CHL1: variants seen among roughly 807,000 people sequenced by gnomAD.
CHL1 encodes cell adhesion molecule L1 like.
Under a neutral mutation model 141.9 loss-of-function variants are expected in CHL1, and 96 were observed. That is an observed-to-expected ratio of 0.68 (90% CI 0.57 to 0.80). CHL1 has a LOEUF of 0.80. Among genes scored for constraint, CHL1 ranks in the 30% least tolerant of loss-of-function variants. The pLI is 0.00. For missense variants in CHL1, 1,820 were observed against 1,457.2 expected (o/e 1.25, Z -4.05); for synonymous variants, 613 against 502.2 (o/e 1.22, Z -2.95).
At chr3:354,540 G>T (rs941280038) in intron 10 of CHL1, 100 bp from the exon 11 acceptor site, 4 of 1,344,760 alleles carry the variant, frequency 3.0e-6, no homozygotes, top group South Asian at 2.9e-5. Context: ...CCTTTGTGGT[G>T]TCTGCCCTCT....
At chr3:384,688 T>C (rs571611467) in intron 19 of CHL1, 1 of 152,346 alleles carries the variant, frequency 6.6e-6, no homozygotes, top group African/African-American at 2.4e-5. Context: ...AAGGAAATTA[T>C]CATTCAACCA....
At chr3:250,964 C>T (rs762480978) in intron 2 of CHL1, among the ~76,000 whole-genome samples, 6 of 151,964 alleles carry the variant, frequency 3.9e-5, no homozygotes, top group Non-Finnish European at 8.8e-5. Context: ...GATACAGTCG[C>T]AAAGAGAGAC....
chr3:304,702 CATTG>C (rs1446140230), intron 2 of CHL1, among the ~76,000 whole-genome samples: 3 of 152,114 alleles, frequency 2.0e-5, no homozygotes, highest in Non-Finnish European at 2.9e-5. Context: ...CTCCTGGTTT[CATTG>C]ATTTTTTGAA....
intron 1 of CHL1, among the ~76,000 whole-genome samples, chr3:216,631 A>G (rs1304108966): frequency 6.6e-6 from 1 of 152,220 alleles, no homozygotes; most frequent in Non-Finnish European, 1.5e-5. Flanking sequence ...TATCACTGCC[A>G]ACTACCCATG....
chr3:312,174 C>A (rs1476288815), intron 2 of CHL1, among the ~76,000 whole-genome samples: 3 of 152,058 alleles, frequency 2.0e-5, no homozygotes, highest in African/African-American at 7.2e-5. Flanking sequence ...TAGTTTATCC[C>A]ACATCATTAT....
chr3:290,466 G>T (rs900985977), intron 2 of CHL1, among the ~76,000 whole-genome samples: 25 of 152,228 alleles, frequency 1.6e-4, no homozygotes, highest in African/African-American at 5.3e-4. Flanking sequence ...GAGAAAATGA[G>T]CTCCTTTTAG....
At chr3:377,400 G>A (rs1310507342) in intron 15 of CHL1, among the ~76,000 whole-genome samples, 1 of 152,190 alleles carries the variant, frequency 6.6e-6, no homozygotes, top group African/African-American at 2.4e-5. Context: ...TCTGTGGAAT[G>A]GAGATGGAAT....
intron 1 of CHL1, among the ~76,000 whole-genome samples, chr3:207,081 G>GA (rs1559269647): frequency 6.6e-6 from 1 of 152,000 alleles, no homozygotes; most frequent in African/African-American, 2.4e-5. Context: ...GGCTTTAGAA[G>GA]AAAAAAAGGC....
chr3:360,501 A>T, intron 12 of CHL1, 77 bp downstream of exon 12: 2 of 1,396,410 alleles, frequency 1.4e-6, no homozygotes, highest in Non-Finnish European at 9.9e-7. Context: ...GAAGTGTATT[A>T]ACTCTTGACA....
intron 1 of CHL1, among the ~76,000 whole-genome samples, chr3:223,423 C>T (rs865894799): frequency 2.6e-5 from 4 of 152,096 alleles, no homozygotes; most frequent in Non-Finnish European, 2.9e-5. Flanking sequence ...ATTTACTATT[C>T]AGAATGTGGT....
At chr3:366,195 G>T (rs1197433805) in intron 15 of CHL1, 80 bp downstream of exon 15, 1 of 1,364,352 alleles carries the variant, frequency 7.3e-7, no homozygotes, top group Non-Finnish European at 1.0e-6. Flanking sequence ...TCTAGGTCGG[G>T]CATGCTGACT....
chr3:197,762 G>A (rs974378059), intron 1 of CHL1: 2 of 455,674 alleles, frequency 4.4e-6, no homozygotes, highest in African/African-American at 2.0e-5. Context: ...GGGCGAGAGG[G>A]CGCGCCGGGG....
intron 2 of CHL1, among the ~76,000 whole-genome samples, chr3:318,732 C>A (rs1446424201): frequency 1.3e-5 from 2 of 151,020 alleles, no homozygotes; most frequent in Admixed American, 1.3e-4. Flanking sequence ...TTTATTATTT[C>A]TTTCCTCTAT....
At chr3:221,710 G>A (rs538921329) in intron 1 of CHL1, among the ~76,000 whole-genome samples, 1 of 152,302 alleles carries the variant, frequency 6.6e-6, no homozygotes, top group South Asian at 2.1e-4. Flanking sequence ...TATCAGTTCT[G>A]TGTGTTCTTA....
intron 15 of CHL1, among the ~76,000 whole-genome samples, chr3:371,768 C>G (rs1013638801): frequency 2.6e-5 from 4 of 151,998 alleles, no homozygotes; most frequent in Admixed American, 6.6e-5. Flanking sequence ...ATATTTAGTG[C>G]TTTTTTTCGG....
At chr3:350,836 C>T (rs779057484) in intron 10 of CHL1, among the ~76,000 whole-genome samples, 1 of 152,138 alleles carries the variant, frequency 6.6e-6, no homozygotes. Flanking sequence ...ATCTGCCAAA[C>T]AGTGATATAT....
chr3:220,649 G>A (rs1398290594), intron 1 of CHL1, among the ~76,000 whole-genome samples: 1 of 152,124 alleles, frequency 6.6e-6, no homozygotes, highest in Non-Finnish European at 1.5e-5. Flanking sequence ...CCTGTGAGTA[G>A]CCACTGCACT....
intron 5 of CHL1, among the ~76,000 whole-genome samples, chr3:335,072 T>C (rs1701759827): frequency 6.6e-6 from 1 of 152,252 alleles, no homozygotes; most frequent in Admixed American, 6.5e-5. Context: ...ACTAGGTTTC[T>C]ACATTTGTGT....
intron 1 of CHL1, among the ~76,000 whole-genome samples, chr3:233,927 A>G (rs1691665265): frequency 6.6e-6 from 1 of 152,130 alleles, no homozygotes; most frequent in African/African-American, 2.4e-5. Flanking sequence ...AAACTTAGTT[A>G]GATTTCTAGA....
Sources: gnomAD v4.1 joint callset for allele counts (sites outside exome capture counted in the v4.1 genomes callset) on GRCh38, gnomAD v4.1.1 for gene constraint, MANE v1.5 for transcripts, NCBI Gene and HGNC (gene_info 2026-07-23, HGNC 2026-07-21) for gene names.